Variants in PHLDA2 observed in about 807,000 individuals in gnomAD.
PHLDA2 encodes the protein pleckstrin homology-like domain family A member 2.
A neutral mutation model predicts 5.9 loss-of-function variants in PHLDA2; 5 were observed. The ratio of observed to expected loss-of-function variants is 0.85; its 90% CI spans 0.44 to 1.78. The LOEUF (loss-of-function observed/expected upper bound fraction) is 1.78, where lower values mean the gene tolerates loss of function less well. Among genes scored for constraint, PHLDA2 ranks in the 40% most tolerant of loss-of-function variants. The probability of loss-of-function intolerance (pLI) is 0.02; values close to 1 mark genes in which losing one functional copy is unlikely to be tolerated. For missense variants in PHLDA2, 216 were observed against 228.3 expected (o/e 0.95, Z 0.35); for synonymous variants, 111 against 102.7 (o/e 1.08, Z -0.49).
rs1564962439 is a variant in PHLDA2, at chr11:2,929,163, C to T, written c.202G>A (p.Val68Met). The change falls in exon 1 of 2, where the codon GTG (valine) becomes ATG (methionine). Residue 68 changes from valine to methionine, a missense_variant. Physicochemically the swap from Val to Met is conservative, Grantham distance 21 (BLOSUM62 1). Transcript: ENST00000314222. This position sits in a 1 kb window ranked among gnomAD's most constrained non-coding sequence, Gnocchi z 8.3. ...TCGGTGGTGACGATGGTGAAGTACA[C>T]GTACTTGCCCGTGCGCTCCACGCAG... is the stretch of plus-strand genomic sequence containing the variant. ...VDCVERTGKY[V>M]YFTIVTTDHK... 2.5e-6 allele frequency: 4 copies of T among 1,612,926 alleles called. No individual in the cohort carries two copies. Among genetic ancestry groups the T allele is most frequent in the Admixed American group, 1.7e-5 (1 of 60,012 alleles).
chr11:2,928,879 C>A lies in PHLDA2; in HGVS notation c.*10+17G>T. On this transcript the variant is annotated intron_variant, in intron 1 of 1. Coordinates refer to ENST00000314222, the MANE Select transcript of PHLDA2 (RefSeq NM_003311.4). ...TGTTAGGGCGCAGGGCTCGCCGGGA[C>A]GCGGGCAGTCACTCACCGCGGCGGG... 9.7e-6 allele frequency: 13 copies of A among 1,342,022 alleles called. No individual in the cohort carries two copies. The highest frequency in any genetic ancestry group is 1.2e-5 in the Non-Finnish European group (13 of 1,050,436). The allele number at this position is 1,342,022 out of a possible 1,614,324, so 83.1% of individuals were successfully genotyped here.
In PHLDA2 at chr11:2,928,933, G is replaced by T. The variant is rs1217555138; in HGVS notation, c.432C>A (p.Ser144=). 1.4e-6 allele frequency: 2 copies of T among 1,413,394 alleles called. No individual in the cohort carries two copies. Among genetic ancestry groups the T allele is most frequent in the African/African-American group, 3.0e-5 (2 of 66,282 alleles). The allele number at this position is 1,413,394 out of a possible 1,614,324, so 87.6% of individuals were successfully genotyped here. A position where few individuals can be genotyped will look rare whatever the true frequency, so the allele number is the denominator to read the frequency against. Residue 144 remains serine, a synonymous_variant, in exon 1 of 2, where the codon TCC becomes TCA. Transcript: ENST00000314222. ...ATGGCGTGCGGGGTTTGGGCTGCGG[G>T]GATGGCCTGGAGGGCTCCGAGGGCT... ...PSEPSEPSRP[S]PQPKPRTP is the part of the protein sequence containing the mutation.
In PHLDA2 at chr11:2,928,539, G is replaced by C. The variant is rs1440216447; in HGVS notation, c.*139C>G. 17 of 327,900 alleles carry C rather than the reference G, an allele frequency of 5.2e-5. No individual in the cohort carries two copies. The highest frequency in any genetic ancestry group is 1.6e-5 in the Non-Finnish European group (3 of 183,332). The allele number at this position is 327,900 out of a possible 1,614,324, so 20.3% of individuals were successfully genotyped here. A position where few individuals can be genotyped will look rare whatever the true frequency, so the allele number is the denominator to read the frequency against. ...CAGCGAAATAAATACATAGATATTAGATAGTCCAATAACTTAAGGCGCCCG... is the reference window on the plus strand; with the variant it reads ...CAGCGAAATAAATACATAGATATTACATAGTCCAATAACTTAAGGCGCCCG... On this transcript the variant is annotated 3_prime_UTR_variant, in exon 2 of 2. Coordinates refer to ENST00000314222, the MANE Select transcript of PHLDA2 (RefSeq NM_003311.4).
chr11:2,929,190 C>G lies in PHLDA2; in HGVS notation c.175G>C (p.Asp59His). The G allele has an allele frequency of 1.9e-6, 3 of 1,612,724 alleles. No individual in the cohort carries two copies. Among genetic ancestry groups the G allele is most frequent in the Non-Finnish European group, 2.5e-6 (3 of 1,179,874 alleles). The change falls in exon 1 of 2, where the codon GAC becomes CAC. Residue 59 changes from aspartate to histidine, a missense_variant. Coordinates refer to ENST00000314222, the MANE Select transcript of PHLDA2 (RefSeq NM_003311.4). The surrounding 1 kb of genome is among the most constrained non-coding windows in gnomAD (Gnocchi z 8.3). ...ELRFHSILKV[D>H]CVERTGKYVY... The stretch of plus-strand genomic sequence containing the variant: ...TACTTGCCCGTGCGCTCCACGCAGT[C>G]CACCTTGAGGATGGAGTGGAAGCGC...
At position 2,929,048 on chromosome 11, in the gene PHLDA2, G is replaced by C. The variant is rs753855394; in HGVS notation, c.317C>G (p.Ala106Gly). 2.2e-5 allele frequency: 35 copies of C among 1,606,452 alleles called. No homozygotes were observed. ...CTGGCGGCTGCGAAAGTCCTGCAGG[G>C]CGCGGCGGTTCTGGAAATCGATGAG... Reference protein sequence around the residue: ...LALIDFQNRRALQDFRSRQER... With the variant: ...LALIDFQNRRGLQDFRSRQER... The change falls in exon 1 of 2, where the codon GCC becomes GGC. Residue 106 changes from alanine to glycine, a missense_variant. Ala to Gly is a moderately conservative substitution (Grantham distance 60). Coordinates refer to ENST00000314222, the MANE Select transcript of PHLDA2 (RefSeq NM_003311.4). The surrounding 1 kb of genome is among the most constrained non-coding windows in gnomAD (Gnocchi z 8.3).
In PHLDA2 at chr11:2,928,513, C is replaced by T. The variant is rs1391050126; in HGVS notation, c.*165G>A. On this transcript the variant is annotated 3_prime_UTR_variant, in exon 2 of 2. Coordinates refer to ENST00000314222, the MANE Select transcript of PHLDA2 (RefSeq NM_003311.4). ...CTATAAAATATGTGACTACAAAGAACCAGCGAAATAAATACATAGATATTA... is the reference window on the plus strand; with the variant it reads ...CTATAAAATATGTGACTACAAAGAATCAGCGAAATAAATACATAGATATTA... 3 of 251,922 alleles carry T rather than the reference C, an allele frequency of 1.2e-5. No individual in the cohort carries two copies. Among genetic ancestry groups the T allele is most frequent in the Non-Finnish European group, 2.2e-5 (3 of 133,750 alleles). The allele number at this position is 251,922 out of a possible 1,614,324, so 15.6% of individuals were successfully genotyped here.
Position 2,929,292 on chromosome 11 carries a change from T to G in PHLDA2, c.73A>C (p.Lys25Gln). 1.9e-6 allele frequency: 3 copies of G among 1,610,070 alleles called. No individual in the cohort carries two copies. Among genetic ancestry groups the G allele is most frequent in the Non-Finnish European group, 2.5e-6 (3 of 1,178,990 alleles). Residue 25 changes from lysine to glutamine, a missense_variant, in exon 1 of 2, where the codon AAG (lysine) becomes CAG (glutamine). Coordinates refer to ENST00000314222, the MANE Select transcript of PHLDA2 (RefSeq NM_003311.4). This position sits in a 1 kb window ranked among gnomAD's most constrained non-coding sequence, Gnocchi z 8.3. ...GAGGTGAGCACCCCGCGCTTCTTCT[T>G]CCATAGCTGGAAGAGGCTGTCGCTG... ...KRSDSLFQLW[K>Q]KKRGVLTSDR...
In PHLDA2 at chr11:2,928,573, A is replaced by G. The variant is rs749978736; in HGVS notation, c.*105T>C. ...ATAACTTAAGGCGCCCGTGCAACGG[A>G]GCGAGGATCCGCGCGCACGGGAAGT... On this transcript the variant is annotated 3_prime_UTR_variant, in exon 2 of 2. Coordinates refer to ENST00000314222, the MANE Select transcript of PHLDA2 (RefSeq NM_003311.4). 3 of 388,796 alleles carry G rather than the reference A, an allele frequency of 7.7e-6. No homozygotes were observed. Among genetic ancestry groups the G allele is most frequent in the Admixed American group, 9.2e-5 (2 of 21,838 alleles). 24.1% of individuals were successfully genotyped at this position (388,796 alleles called of 1,614,324 possible). A position where few individuals can be genotyped will look rare whatever the true frequency, so the allele number is the denominator to read the frequency against.
chr11:2,928,933 G>C lies in PHLDA2; in HGVS notation c.432C>G (p.Ser144=). 1 of 1,413,394 alleles carries C rather than the reference G, an allele frequency of 7.1e-7. No individual in the cohort carries two copies. The highest frequency in any genetic ancestry group is 1.5e-5 in the African/African-American group (1 of 66,282). The allele number at this position is 1,413,394 out of a possible 1,614,324, so 87.6% of individuals were successfully genotyped here. Residue 144 remains serine (S), a synonymous_variant, in exon 1 of 2, where the codon TCC becomes TCG. Transcript: ENST00000314222. ...PSEPSEPSRP[S]PQPKPRTP is the part of the protein sequence containing the mutation. ...ATGGCGTGCGGGGTTTGGGCTGCGG[G>C]GATGGCCTGGAGGGCTCCGAGGGCT... is the stretch of plus-strand genomic sequence containing the variant.
chr11:2,929,004 C>T lies in PHLDA2; in HGVS notation c.361G>A (p.Ala121Thr). Residue 121 changes from alanine (A) to threonine (T), a missense_variant, in exon 1 of 2, where the codon GCA (alanine) becomes ACA (threonine). Physicochemically the swap from Ala to Thr is moderately conservative, Grantham distance 58 (BLOSUM62 0). Transcript: ENST00000314222. This position sits in a 1 kb window ranked among gnomAD's most constrained non-coding sequence, Gnocchi z 8.3. ...GCAGCCACGGCGTCCTCGGCGGGTG[C>T]GGCGGGTGCGGTGCGTTCCTGGCGG... ...RSRQERTAPA[A>T]PAEDAVAAAA... The T allele has an allele frequency of 1.3e-6, 2 of 1,491,110 alleles. No individual in the cohort carries two copies. The highest frequency in any genetic ancestry group is 8.9e-7 in the Non-Finnish European group (1 of 1,126,368). The allele number at this position is 1,491,110 out of a possible 1,614,324, so 92.4% of individuals were successfully genotyped here.
At position 2,929,172 on chromosome 11, in the gene PHLDA2, C is replaced by T; in HGVS notation, c.193G>A (p.Gly65Ser). The T allele has an allele frequency of 6.2e-7, 1 of 1,612,914 alleles. No homozygotes were observed. The highest frequency in any genetic ancestry group is 1.1e-5 in the South Asian group (1 of 91,046). The change falls in exon 1 of 2, where the codon GGC becomes AGC. Residue 65 changes from glycine (G) to serine (S), a missense_variant. Transcript: ENST00000314222. The surrounding 1 kb of genome is among the most constrained non-coding windows in gnomAD (Gnocchi z 8.3). ...ACGATGGTGAAGTACACGTACTTGC[C>T]CGTGCGCTCCACGCAGTCCACCTTG... ...ILKVDCVERT[G>S]KYVYFTIVTT...
In PHLDA2 at chr11:2,929,420, T is replaced by G. The variant is rs919502561; in HGVS notation, c.-56A>C. On this transcript the variant is annotated 5_prime_UTR_variant, in exon 1 of 2. Transcript: ENST00000314222. The surrounding 1 kb of genome is among the most constrained non-coding windows in gnomAD (Gnocchi z 8.3). Reference sequence around the variant, plus strand: ...ATGCGGGCGGTGACGGCGCCGGCTCTGCTCCTCGTGGCCCCGGCGCGGCCT... The same window carrying G: ...ATGCGGGCGGTGACGGCGCCGGCTCGGCTCCTCGTGGCCCCGGCGCGGCCT... The G allele has an allele frequency of 5.9e-6, 8 of 1,366,796 alleles. No homozygotes were observed. The East Asian group carries it at 2.1e-4, about 36-fold the overall frequency. 84.7% of individuals were successfully genotyped at this position (1,366,796 alleles called of 1,614,324 possible). A position where few individuals can be genotyped will look rare whatever the true frequency, so the allele number is the denominator to read the frequency against.
chr11:2,929,024 T>C lies in PHLDA2; in HGVS notation c.341A>G (p.Gln114Arg), dbSNP rs762135434. The change falls in exon 1 of 2, where the codon CAG becomes CGG. Residue 114 changes from glutamine to arginine, a missense_variant. By Grantham distance (43) the Gln-to-Arg change is conservative. Transcript: ENST00000314222. This position sits in a 1 kb window ranked among gnomAD's most constrained non-coding sequence, Gnocchi z 8.3. Reference sequence around the variant, plus strand: ...GGGTGCGGCGGGTGCGGTGCGTTCCTGGCGGCTGCGAAAGTCCTGCAGGGC... The same window carrying C: ...GGGTGCGGCGGGTGCGGTGCGTTCCCGGCGGCTGCGAAAGTCCTGCAGGGC... ...RRALQDFRSR[Q>R]ERTAPAAPAE... 3.2e-6 allele frequency: 5 copies of C among 1,581,698 alleles called. No individual in the cohort carries two copies. Among genetic ancestry groups the C allele is most frequent in the Admixed American group, 1.7e-5 (1 of 57,500 alleles).
rs199590203 is a variant in PHLDA2, at chr11:2,929,027, C to T, written c.338G>A (p.Arg113His). 1.3e-6 allele frequency: 2 copies of T among 1,584,066 alleles called. No homozygotes were observed. The highest frequency in any genetic ancestry group is 2.3e-5 in the South Asian group (2 of 88,034). ...TGCGGCGGGTGCGGTGCGTTCCTGG[C>T]GGCTGCGAAAGTCCTGCAGGGCGCG... The part of the protein sequence containing the change: ...NRRALQDFRS[R>H]QERTAPAAPA... The change falls in exon 1 of 2, where the codon CGC (arginine) becomes CAC (histidine). Residue 113 changes from arginine to histidine, a missense_variant. By Grantham distance (29) the Arg-to-His change is conservative. Coordinates refer to ENST00000314222, the MANE Select transcript of PHLDA2 (RefSeq NM_003311.4). This position sits in a 1 kb window ranked among gnomAD's most constrained non-coding sequence, Gnocchi z 8.3.
At chr11:2,928,709 G>C (rs890723771) in intron 1 of PHLDA2, 42 bp from the exon 2 acceptor site, 56 of 492,340 alleles carry the variant, frequency 1.1e-4, no homozygotes, top group Non-Finnish European at 1.9e-4. Flanking sequence ...GCCAGGGCCG[G>C]TCCGGGTCCA....
At position 2,929,151 on chromosome 11, in the gene PHLDA2, T is replaced by C. The variant is rs746672894; in HGVS notation, c.214A>G (p.Ile72Val). 1.9e-6 allele frequency: 3 copies of C among 1,612,954 alleles called. No individual in the cohort carries two copies. The highest frequency in any genetic ancestry group is 2.5e-6 in the Non-Finnish European group (3 of 1,179,898). The change falls in exon 1 of 2, where the codon ATC becomes GTC. Residue 72 changes from isoleucine to valine, a missense_variant. Transcript: ENST00000314222. This position sits in a 1 kb window ranked among gnomAD's most constrained non-coding sequence, Gnocchi z 8.3. ...ATCTCCTTGTGGTCGGTGGTGACGATGGTGAAGTACACGTACTTGCCCGTG... is the reference window on the plus strand; with the variant it reads ...ATCTCCTTGTGGTCGGTGGTGACGACGGTGAAGTACACGTACTTGCCCGTG... The part of the protein sequence containing the change: ...ERTGKYVYFT[I>V]VTTDHKEIDF...
chr11:2,928,874 C>G, intron 1 of PHLDA2, 22 bp downstream of exon 1: 1 of 1,336,712 alleles, frequency 7.5e-7, no homozygotes, highest in Non-Finnish European at 9.6e-7. Flanking sequence ...CAGGGCTCGC[C>G]GGGACGCGGG....
rs1001765868 is a variant in PHLDA2 at position 2,929,045 on chromosome 11, A to G, written c.320T>C (p.Leu107Pro). 3 of 1,604,558 alleles carry G rather than the reference A, an allele frequency of 1.9e-6. No homozygotes were observed. Among genetic ancestry groups the G allele is most frequent in the Non-Finnish European group, 2.5e-6 (3 of 1,178,450 alleles). ...TTCCTGGCGGCTGCGAAAGTCCTGC[A>G]GGGCGCGGCGGTTCTGGAAATCGAT... is the stretch of plus-strand genomic sequence containing the variant. ...ALIDFQNRRA[L>P]QDFRSRQERT... The change falls in exon 1 of 2, where the codon CTG (leucine) becomes CCG (proline). Residue 107 changes from leucine to proline, a missense_variant. By Grantham distance (98) the Leu-to-Pro change is moderately conservative. Transcript: ENST00000314222. This position sits in a 1 kb window ranked among gnomAD's most constrained non-coding sequence, Gnocchi z 8.3.
At chr11:2,928,767 G>T in intron 1 of PHLDA2, 100 bp from the exon 2 acceptor site, 1 of 694,902 alleles carries the variant, frequency 1.4e-6, no homozygotes, top group Non-Finnish European at 2.1e-6. Flanking sequence ...GCGCGATTGC[G>T]GGGCGCCGGG....
Sources: gnomAD v4.1 joint callset for allele counts on GRCh38, gnomAD v4.1.1 for gene constraint, Gnocchi (gnomAD v3.1) non-coding constraint, MANE v1.5 for transcripts, NCBI Gene and HGNC (gene_info 2026-07-23, HGNC 2026-07-21) for gene names.